The following COL19A1 variants were observed in gnomAD, a reference collection of about 807,000 sequenced individuals.
The protein encoded by COL19A1 is collagen type XIX alpha 1 chain.
Under a neutral mutation model 190.2 loss-of-function variants are expected in COL19A1, and 159 were observed. That is an observed-to-expected ratio of 0.84 (90% CI 0.73 to 0.95). The LOEUF (loss-of-function observed/expected upper bound fraction) is 0.95. Ranked by LOEUF, COL19A1 falls within the 40% of genes least tolerant of loss-of-function variation. The probability of loss-of-function intolerance (pLI) is 0.00; values close to 1 mark genes in which losing one functional copy is unlikely to be tolerated. For missense variants in COL19A1, 1,418 were observed against 1,431.9 expected (o/e 0.99, Z 0.16); for synonymous variants, 509 against 458.9 (o/e 1.11, Z -1.39).
At chr6:70,156,831 A>G in intron 34 of COL19A1, 108 bp downstream of exon 34, 1 of 707,096 alleles carries the variant, frequency 1.4e-6, no homozygotes, top group Admixed American at 3.0e-5. Context: ...TGCTATAACC[A>G]ATAAAAACAA....
At chr6:70,025,868 A>T (rs1456108137) in intron 12 of COL19A1, among the ~76,000 whole-genome samples, 3 of 152,250 alleles carry the variant, frequency 2.0e-5, no homozygotes, top group African/African-American at 7.2e-5. Context: ...GATGCTAAAG[A>T]GGTAAAATAC....
chr6:70,135,826 C>G (rs1280624480), intron 18 of COL19A1, among the ~76,000 whole-genome samples: 1 of 152,016 alleles, frequency 6.6e-6, no homozygotes, highest in African/African-American at 2.4e-5. Flanking sequence ...AGATTTTTGC[C>G]CTGGATATTC....
intron 11 of COL19A1, among the ~76,000 whole-genome samples, chr6:70,016,501 C>T (rs368289217): frequency 3.5e-5 from 5 of 144,640 alleles, no homozygotes; most frequent in East Asian, 4.1e-4. Flanking sequence ...AATTTGTGTA[C>T]GTTAAATATG....
intron 37 of COL19A1, among the ~76,000 whole-genome samples, chr6:70,167,282 A>G (rs1458629753): frequency 6.6e-6 from 1 of 152,222 alleles, no homozygotes; most frequent in Non-Finnish European, 1.5e-5. Flanking sequence ...AAAACTGCAG[A>G]AAGGAAAAGG....
intron 17 of COL19A1, among the ~76,000 whole-genome samples, chr6:70,129,758 C>T (rs529926328): frequency 6.6e-6 from 1 of 152,296 alleles, no homozygotes; most frequent in East Asian, 1.9e-4. Context: ...TAGTTACAGG[C>T]AAGGTCACTT....
chr6:70,025,773 G>T (rs758680528), intron 12 of COL19A1, among the ~76,000 whole-genome samples: 1 of 152,150 alleles, frequency 6.6e-6, no homozygotes, highest in Non-Finnish European at 1.5e-5. Flanking sequence ...AAAACTGAGC[G>T]GTTATTAATA....
At chr6:69,979,689 T>C (rs1298244794) in intron 11 of COL19A1, among the ~76,000 whole-genome samples, 2 of 151,628 alleles carry the variant, frequency 1.3e-5, no homozygotes, top group Non-Finnish European at 3.0e-5. Flanking sequence ...TACTAATGAG[T>C]TGACTCTATA....
At chr6:69,958,324 A>G (rs1774557891) in intron 9 of COL19A1, among the ~76,000 whole-genome samples, 1 of 152,188 alleles carries the variant, frequency 6.6e-6, no homozygotes, top group African/African-American at 2.4e-5. Flanking sequence ...TGTAACTAGT[A>G]ATATGATATA....
At chr6:69,990,562 A>G (rs529867867) in intron 11 of COL19A1, among the ~76,000 whole-genome samples, 1 of 152,034 alleles carries the variant, frequency 6.6e-6, no homozygotes, top group Admixed American at 6.6e-5. Context: ...TTATTACATT[A>G]TTTGTTAAAG....
At chr6:70,173,637 AATT>A (rs1765629359) in intron 41 of COL19A1, among the ~76,000 whole-genome samples, 1 of 152,202 alleles carries the variant, frequency 6.6e-6, no homozygotes, top group Non-Finnish European at 1.5e-5. Flanking sequence ...TGACCAGAGA[AATT>A]ATTATTTCAC....
In COL19A1 at chr6:69,937,869, G is replaced by A. The variant is rs80323536; in HGVS notation, c.874-169G>A. ...AGGAACAGTGAATGGAATTCCATTG[G>A]CATGCCCTTTTTCCCTTGTTCACGT... On this transcript the variant is annotated intron_variant, in intron 8 of 50. Coordinates refer to ENST00000620364, the MANE Select transcript of COL19A1 (RefSeq NM_001858.6). Among the ~76,000 whole-genome samples, 77 of 152,198 alleles carry A rather than the reference G, an allele frequency of 5.1e-4. 1 individual carries two copies. In the East Asian group the frequency reaches 0.011, roughly 21 times the overall value.
chr6:70,074,515 AAAG>A, intron 15 of COL19A1, among the ~76,000 whole-genome samples: 1 of 151,560 alleles, frequency 6.6e-6, no homozygotes, highest in Non-Finnish European at 1.5e-5. Flanking sequence ...AAAAAAAAAA[AAAG>A]AGAGAGAAAG....
intron 11 of COL19A1, among the ~76,000 whole-genome samples, chr6:69,999,720 T>A (rs1777133007): frequency 6.6e-6 from 1 of 152,156 alleles, no homozygotes; most frequent in Non-Finnish European, 1.5e-5. Context: ...TAAATTAGTA[T>A]CTAATGTAAG....
In COL19A1 at chr6:70,119,867, G is replaced by A. The variant is rs1253070144; in HGVS notation, c.1279-2013G>A. Among the ~76,000 whole-genome samples, 3 of 152,308 alleles carry A rather than the reference G, an allele frequency of 2.0e-5. No homozygotes were observed. In the East Asian group the frequency reaches 5.8e-4, roughly 29 times the overall value. ...GCACTTTGGGAAGCCAAGGCAGGTG[G>A]ATCACTTGAGGTCAGGAGTTCAAGA... is the stretch of plus-strand genomic sequence containing the variant. On this transcript the variant is annotated intron_variant, in intron 16 of 50. Coordinates refer to ENST00000620364, the MANE Select transcript of COL19A1 (RefSeq NM_001858.6).
chr6:69,914,092 T>G (rs1345402287), intron 4 of COL19A1, among the ~76,000 whole-genome samples: 1 of 152,192 alleles, frequency 6.6e-6, no homozygotes, highest in Admixed American at 6.5e-5. Context: ...TAGGGGGACT[T>G]GTTTTCAATG....
chr6:70,101,236 G>A (rs1783614200), intron 15 of COL19A1, among the ~76,000 whole-genome samples: 2 of 152,108 alleles, frequency 1.3e-5, no homozygotes, highest in African/African-American at 4.8e-5. Context: ...ATGAAATAGA[G>A]TGACCATATT....
chr6:69,925,935 T>C (rs1178198440), intron 4 of COL19A1, among the ~76,000 whole-genome samples: 1 of 152,218 alleles, frequency 6.6e-6, no homozygotes, highest in Non-Finnish European at 1.5e-5. Flanking sequence ...CACATTGATT[T>C]TGTATCCTGA....
intron 11 of COL19A1, among the ~76,000 whole-genome samples, chr6:70,017,583 A>T (rs149397436): frequency 6.6e-6 from 1 of 152,160 alleles, no homozygotes; most frequent in Non-Finnish European, 1.5e-5. Context: ...TTGTAGCTGT[A>T]AAAGTAGAGA....
At chr6:70,046,567 G>A (rs927460910) in intron 14 of COL19A1, among the ~76,000 whole-genome samples, 1 of 151,922 alleles carries the variant, frequency 6.6e-6, no homozygotes, top group African/African-American at 2.4e-5. Context: ...TAAATGGATT[G>A]TTCTGATTCA....
Sources: allele counts gnomAD v4.1 joint callset (sites outside exome capture counted in the v4.1 genomes callset), GRCh38; gene constraint gnomAD v4.1.1; transcripts MANE v1.5; gene names NCBI Gene and HGNC (gene_info 2026-07-23, HGNC 2026-07-21).